LRRC37A2: variants seen among roughly 807,000 people sequenced by gnomAD.
LRRC37A2 encodes leucine-rich repeat-containing protein 37A2.
Under a neutral mutation model 68.8 loss-of-function variants are expected in LRRC37A2, and 9 were observed. The observed-to-expected ratio is 0.13, with a 90% CI of 0.08 to 0.23. The LOEUF (loss-of-function observed/expected upper bound fraction) is 0.23, where lower values mean the gene tolerates loss of function less well. LRRC37A2 is among the 10% of genes least tolerant of loss of function. LRRC37A2 has a pLI of 1.00. For synonymous variants in LRRC37A2, 63 were observed against 367.6 expected, an observed-to-expected ratio of 0.17 and a Z score of 9.48; for missense variants, 168 against 950.4, an observed-to-expected ratio of 0.18 and a Z score of 10.82.
At chr17:47,018,416 C>T in the LRRC37A2 span, 2 of 1,594,940 alleles carry the variant, frequency 1.3e-6, no homozygotes, top group Non-Finnish European at 8.6e-7. Context: ...TAGATTCACC[C>T]AGTGTCTCTG....
At chr17:46,889,983 C>T in the LRRC37A2 span, among the ~76,000 whole-genome samples, 3 of 152,200 alleles carry the variant, frequency 2.0e-5, no homozygotes. Flanking sequence ...TCTAAACAAG[C>T]ATTCTCTGCA....
At chr17:46,970,583 G>A in the LRRC37A2 span, among the ~76,000 whole-genome samples, 2 of 146,636 alleles carry the variant, frequency 1.4e-5, no homozygotes, top group Admixed American at 6.8e-5. Context: ...GAGGAGAGAC[G>A]CTGCAACATG....
the LRRC37A2 span, among the ~76,000 whole-genome samples, chr17:46,894,899 G>T: frequency 6.6e-6 from 1 of 152,246 alleles, no homozygotes; most frequent in East Asian, 1.9e-4. Context: ...GCCAATTCCC[G>T]GGCCATGCAA....
At chr17:46,992,193 C>G in the LRRC37A2 span, among the ~76,000 whole-genome samples, 3 of 37,532 alleles carry the variant, frequency 8.0e-5, no homozygotes, top group Non-Finnish European at 1.5e-4. Flanking sequence ...AAAACCCCAT[C>G]TCTACTAAAT....
chr17:46,962,168 A>T, the LRRC37A2 span, among the ~76,000 whole-genome samples: 4 of 152,202 alleles, frequency 2.6e-5, no homozygotes, highest in East Asian at 7.7e-4. Context: ...TCTACTAAAA[A>T]TACATAAAAA....
the LRRC37A2 span, among the ~76,000 whole-genome samples, chr17:46,972,164 A>T: frequency 6.6e-6 from 1 of 152,148 alleles, no homozygotes; most frequent in African/African-American, 2.4e-5. Context: ...CTGTGTGCTG[A>T]CAGAACCCTG....
chr17:46,902,766 T>A, the LRRC37A2 span, among the ~76,000 whole-genome samples: 1 of 152,174 alleles, frequency 6.6e-6, no homozygotes, highest in Non-Finnish European at 1.5e-5. Flanking sequence ...TTTCCCCTTC[T>A]TCCTGATAGA....
At chr17:46,959,207 C>G in the LRRC37A2 span, among the ~76,000 whole-genome samples, 6 of 152,170 alleles carry the variant, frequency 3.9e-5, no homozygotes, top group African/African-American at 1.2e-4. Context: ...TACCACCAGA[C>G]AGATGGACAG....
the LRRC37A2 span, chr17:46,875,131 T>C: frequency 6.2e-7 from 1 of 1,613,890 alleles, no homozygotes; most frequent in South Asian, 1.1e-5. Flanking sequence ...CTGTACGCGG[T>C]GTCCTCTGCC....
the LRRC37A2 span, among the ~76,000 whole-genome samples, chr17:46,927,323 T>C: frequency 6.6e-6 from 1 of 152,258 alleles, no homozygotes; most frequent in Non-Finnish European, 1.5e-5. Flanking sequence ...GTCTGTGCCA[T>C]TCATTTGTTT....
the LRRC37A2 span, among the ~76,000 whole-genome samples, chr17:47,036,175 G>A: frequency 6.6e-6 from 1 of 151,986 alleles, no homozygotes; most frequent in Non-Finnish European, 1.5e-5. Flanking sequence ...AAAATCTAAT[G>A]TATCTATTTT....
the LRRC37A2 span, chr17:46,833,279 C>T: frequency 2.1e-6 from 1 of 473,616 alleles, no homozygotes; most frequent in Non-Finnish European, 4.2e-6. Flanking sequence ...GGTGATGGCT[C>T]CTTCCACAAG....
chr17:46,558,360 TGTTTTGG>T (rs2057397669), downstream of LRRC37A2, among the ~76,000 whole-genome samples: 1 of 106,000 alleles, frequency 9.4e-6, no homozygotes. Flanking sequence ...GCGCCTGGCT[TGTTTTGG>T]GTTTTGGGGT....
At chr17:46,742,880 A>G in the LRRC37A2 span, among the ~76,000 whole-genome samples, 3 of 152,228 alleles carry the variant, frequency 2.0e-5, no homozygotes, top group African/African-American at 7.2e-5. Flanking sequence ...TCTCTGTTGA[A>G]TAATACAAGC....
the LRRC37A2 span, among the ~76,000 whole-genome samples, chr17:46,760,929 G>A: frequency 7.9e-5 from 12 of 152,228 alleles, no homozygotes; most frequent in African/African-American, 2.4e-4. Context: ...AATGAATTTC[G>A]TGTTTAGACT....
At chr17:46,940,453 T>G in the LRRC37A2 span, 7 of 1,608,718 alleles carry the variant, frequency 4.4e-6, no homozygotes, top group Non-Finnish European at 5.9e-6. Context: ...ACATTTCCAT[T>G]ACACACAGCA....
the LRRC37A2 span, among the ~76,000 whole-genome samples, chr17:46,489,461 T>C: frequency 4.6e-4 from 64 of 137,922 alleles, no homozygotes; most frequent in Non-Finnish European, 8.6e-4. Flanking sequence ...TTATGTGTTT[T>C]GCTTGTTTGT....
the LRRC37A2 span, among the ~76,000 whole-genome samples, chr17:46,955,316 G>A: frequency 4.0e-5 from 6 of 151,558 alleles, no homozygotes; most frequent in African/African-American, 7.3e-5. Context: ...GCTGGATTAC[G>A]TTTATTGATT....
chr17:46,859,792 G>A, the LRRC37A2 span, among the ~76,000 whole-genome samples: 4 of 152,052 alleles, frequency 2.6e-5, no homozygotes, highest in Non-Finnish European at 4.4e-5. Flanking sequence ...GAAGATTGAC[G>A]TTCTAACAAT....
Sources: gnomAD v4.1 joint callset for allele counts (sites outside exome capture counted in the v4.1 genomes callset) on GRCh38, gnomAD v4.1.1 for gene constraint, MANE v1.5 for transcripts, NCBI Gene and HGNC (gene_info 2026-07-23, HGNC 2026-07-21) for gene names.